HFM1: variants seen among roughly 807,000 people sequenced by gnomAD.
The protein encoded by HFM1 is probable ATP-dependent DNA helicase HFM1.
Under a neutral mutation model 192.1 loss-of-function variants are expected in HFM1, and 169 were observed. The observed-to-expected ratio is 0.88, with a 90% CI of 0.78 to 1.00. HFM1 has a LOEUF of 1.00. Ranked by LOEUF, HFM1 falls within the 50% of genes least tolerant of loss-of-function variation. The pLI, the probability that HFM1 is intolerant of heterozygous loss-of-function variation, is 0.00. For synonymous variants in HFM1, 525 were observed against 537.8 expected (o/e 0.98, Z 0.33); for missense variants, 1,661 against 1,668.0 (o/e 1.00, Z 0.07).
At chr1:91,282,261 T>A (rs893232059) in intron 30 of HFM1, among the ~76,000 whole-genome samples, 3 of 152,190 alleles carry the variant, frequency 2.0e-5, no homozygotes, top group African/African-American at 7.2e-5. Context: ...GTATTGACTT[T>A]ATGTTCGAGA....
At chr1:91,285,782 A>T (rs1332771138) in intron 30 of HFM1, among the ~76,000 whole-genome samples, 1 of 152,234 alleles carries the variant, frequency 6.6e-6, no homozygotes, top group Non-Finnish European at 1.5e-5. Context: ...TAAATATTTC[A>T]TAAGTTTTAA....
At chr1:91,324,792 C>T (rs775310796) in intron 20 of HFM1, 26 bp from the exon 21 acceptor site, 109 of 1,230,060 alleles carry the variant, frequency 8.9e-5, no homozygotes, top group South Asian at 4.0e-4. Context: ...GAAAAATGAA[C>T]GGTCCCCTCA....
intron 30 of HFM1, among the ~76,000 whole-genome samples, chr1:91,290,815 A>C (rs1202369575): frequency 6.6e-6 from 1 of 152,092 alleles, no homozygotes; most frequent in Non-Finnish European, 1.5e-5. Context: ...AGCTCTCCTC[A>C]GCAAATGTAA....
intron 30 of HFM1, 142 bp downstream of exon 30, chr1:91,313,207 A>C: frequency 2.0e-6 from 1 of 500,492 alleles, no homozygotes; most frequent in Non-Finnish European, 3.5e-6. Context: ...TCTACTATAT[A>C]CTATTAATGA....
In HFM1 at chr1:91,276,976, A is replaced by T; in HGVS notation, c.3472+6T>A. On this transcript the variant is annotated splice_donor_region_variant and intron_variant, in intron 31 of 38. Transcript: ENST00000370425. ...ACTTTAAATAAACTTGTTTTAAGGA[A>T]CTCACAGCAGTCATGTCCACATGTA... 1 of 1,545,666 alleles carries T rather than the reference A, an allele frequency of 6.5e-7. No individual in the cohort carries two copies. The highest frequency in any genetic ancestry group is 8.8e-7 in the Non-Finnish European group (1 of 1,136,416).
chr1:91,385,084 C>T (rs1662027882), intron 6 of HFM1, 103 bp downstream of exon 6: 6 of 805,696 alleles, frequency 7.4e-6, no homozygotes, highest in Non-Finnish European at 1.0e-5. Context: ...ATTTTTCCCT[C>T]TTTTTCTCCA....
intron 34 of HFM1, among the ~76,000 whole-genome samples, chr1:91,268,170 C>T (rs1017872954): frequency 5.3e-5 from 8 of 151,928 alleles, no homozygotes; most frequent in African/African-American, 1.9e-4. Context: ...TATAAAGTTG[C>T]ACTAAATTTA....
In HFM1 at chr1:91,396,381, C is replaced by T. The variant is rs1342377348; in HGVS notation, c.96G>A (p.Leu32=). The change falls in exon 3 of 39, where the codon TTG becomes TTA. Residue 32 remains leucine, a synonymous_variant. Coordinates refer to ENST00000370425, the MANE Select transcript of HFM1 (RefSeq NM_001017975.6). ...ATGGAGCAGGAGGGAGAAACCAATC[C>T]AATGACTTTTCATTGTCTGGATGGC... ...VENHPDNEKS[L]DWFLPPAPLI... 5.6e-6 allele frequency: 9 copies of T among 1,595,546 alleles called. No individual in the cohort carries two copies. The highest frequency in any genetic ancestry group is 1.3e-5 in the African/African-American group (1 of 74,542).
intron 13 of HFM1, among the ~76,000 whole-genome samples, chr1:91,372,649 A>T (rs1557476742): frequency 6.6e-6 from 1 of 152,154 alleles, no homozygotes; most frequent in Non-Finnish European, 1.5e-5. Flanking sequence ...TGATGAGTTA[A>T]TGGGTGCAGC....
In HFM1 at chr1:91,262,477, T is replaced by G; in HGVS notation, c.4086+4A>C. ...AAGAAAAACAAAGAAGTGCTTCTTC[T>G]TACAATAACTGCATTTCCGGCTTGT... On this transcript the variant is annotated splice_donor_region_variant and intron_variant, in intron 37 of 38. Transcript: ENST00000370425. 1 of 1,584,070 alleles carries G rather than the reference T, an allele frequency of 6.3e-7. No homozygotes were observed. Among genetic ancestry groups the G allele is most frequent in the South Asian group, 1.1e-5 (1 of 87,938 alleles).
Position 91,375,687 on chromosome 1 carries a change from C to G in HFM1, c.1436G>C (p.Cys479Ser), listed in dbSNP as rs752525842. The change falls in exon 12 of 39, where the codon TGT becomes TCT. Residue 479 changes from cysteine to serine, a missense_variant. Transcript: ENST00000370425. ...WLSDGERPAV[C>S]LKMDESHRPV... ...TCTATGGCTCTCATCCATTTTCAGA[C>G]ACACAGCTGGTCTTTCACCATCTGA... is the stretch of plus-strand genomic sequence containing the variant. 1.2e-5 allele frequency: 20 copies of G among 1,613,342 alleles called. No individual in the cohort carries two copies. The highest frequency in any genetic ancestry group is 1.5e-5 in the Non-Finnish European group (18 of 1,179,512).
At chr1:91,404,745 C>T in intron 1 of HFM1, 53 bp downstream of exon 1, 1 of 420,176 alleles carries the variant, frequency 2.4e-6, no homozygotes, top group Non-Finnish European at 4.8e-6. Context: ...TCCCCGCGGG[C>T]GTCGGGCCCC....
chr1:91,291,610 T>C (rs1668766030), intron 30 of HFM1, among the ~76,000 whole-genome samples: 3 of 152,182 alleles, frequency 2.0e-5, no homozygotes, highest in African/African-American at 7.2e-5. Flanking sequence ...CATAGCCGAA[T>C]TCTACCAGAG....
chr1:91,293,954 A>G (rs1669090310), intron 30 of HFM1, among the ~76,000 whole-genome samples: 1 of 151,120 alleles, frequency 6.6e-6, no homozygotes, highest in Non-Finnish European at 1.5e-5. Flanking sequence ...CAAGAACAAA[A>G]AACCAAACAC....
intron 20 of HFM1, among the ~76,000 whole-genome samples, chr1:91,334,825 A>G (rs1376425890): frequency 6.6e-6 from 1 of 151,742 alleles, no homozygotes; most frequent in East Asian, 1.9e-4. Context: ...GCTACTCAGG[A>G]GGCTGAGGCA....
chr1:91,386,680 T>G (rs1662252350), intron 4 of HFM1, among the ~76,000 whole-genome samples: 1 of 151,994 alleles, frequency 6.6e-6, no homozygotes, highest in Non-Finnish European at 1.5e-5. Flanking sequence ...ATAGTCACAG[T>G]AAATAGTAAA....
At chr1:91,323,569 T>G (rs950366285) in intron 21 of HFM1, among the ~76,000 whole-genome samples, 4 of 152,198 alleles carry the variant, frequency 2.6e-5, no homozygotes, top group African/African-American at 9.6e-5. Context: ...CTACTGCTAT[T>G]CTACTGTTCT....
chr1:91,297,300 G>A (rs1039131508), intron 30 of HFM1, among the ~76,000 whole-genome samples: 1 of 152,222 alleles, frequency 6.6e-6, no homozygotes, highest in African/African-American at 2.4e-5. Flanking sequence ...CGGGAAGCTT[G>A]AACTGGGTGG....
At chr1:91,377,295 C>T (rs1284129951) in intron 11 of HFM1, 1 of 151,464 alleles carries the variant, frequency 6.6e-6, no homozygotes, top group Non-Finnish European at 1.5e-5. Flanking sequence ...ATTAATTGTG[C>T]CAAATTAACG....
Sources: allele counts gnomAD v4.1 joint callset (sites outside exome capture counted in the v4.1 genomes callset), GRCh38; gene constraint gnomAD v4.1.1; transcripts MANE v1.5; gene names NCBI Gene and HGNC (gene_info 2026-07-23, HGNC 2026-07-21).